The following EFCAB13 variants were observed in gnomAD, a reference collection of about 807,000 sequenced individuals.
EFCAB13 encodes the protein EF-hand calcium-binding domain-containing protein 13.
EFCAB13 carries 91 observed loss-of-function variants against 110.2 expected under a neutral mutation model. The observed-to-expected ratio is 0.83, with a 90% CI of 0.70 to 0.98. EFCAB13 has a LOEUF of 0.98. Ranked by LOEUF, EFCAB13 falls within the 50% of genes least tolerant of loss-of-function variation. EFCAB13 has a pLI of 0.00. For missense variants in EFCAB13, 968 were observed against 1,119.4 expected, an observed-to-expected ratio of 0.86 and a Z score of 1.93; for synonymous variants, 323 against 369.9, an observed-to-expected ratio of 0.87 and a Z score of 1.45.
chr17:47,341,973 G>C lies in EFCAB13; in HGVS notation c.244G>C (p.Gly82Arg). The C allele has an allele frequency of 6.3e-7, 1 of 1,598,866 alleles. No homozygotes were observed. Among genetic ancestry groups the C allele is most frequent in the Non-Finnish European group, 8.5e-7 (1 of 1,173,750 alleles). ...CGEEKSSDFS[G>R]EKKVGRKSLQ... The stretch of plus-strand genomic sequence containing the variant: ...AGAAGAAAAGTCCTCTGATTTTTCA[G>C]GAGAAAAAAAAGTTGGGAGAAAGAG... The change falls in exon 6 of 25, where the codon GGA (glycine) becomes CGA (arginine). Residue 82 changes from glycine (G) to arginine (R), a missense_variant. Coordinates refer to ENST00000331493, the MANE Select transcript of EFCAB13 (RefSeq NM_152347.5).
At chr17:47,439,184 T>TTTTTTTTTTTTTTTTC (rs1905269281) in intron 24 of EFCAB13, among the ~76,000 whole-genome samples, 1 of 128,636 alleles carries the variant, frequency 7.8e-6, no homozygotes, top group Non-Finnish European at 1.7e-5. Flanking sequence ...TTTTTTTTTT[T>TTTTTTTTTTTTTTTTC]TTTTTTTTTT....
At chr17:47,357,021 G>A (rs1029484164) in intron 9 of EFCAB13, among the ~76,000 whole-genome samples, 4 of 152,194 alleles carry the variant, frequency 2.6e-5, no homozygotes, top group East Asian at 3.9e-4. Context: ...AGCCAGCAGC[G>A]ATAGGCCTCA....
intron 9 of EFCAB13, among the ~76,000 whole-genome samples, chr17:47,359,089 T>C (rs959347952): frequency 6.6e-6 from 1 of 152,178 alleles, no homozygotes; most frequent in African/African-American, 2.4e-5. Context: ...TCCCAGCACT[T>C]TGGGAGGCCA....
chr17:47,347,929 A>G lies in EFCAB13; in HGVS notation c.639A>G (p.Ala213=), dbSNP rs987531436. ...TAAGTGATTTAGAAATGCGACAGGC[A>G]CTAAAGACTGTTGATATTGATGGTA... ...ISISDLEMRQ[A]LKTVDIDAFQ... The change falls in exon 9 of 25, where the codon GCA becomes GCG. Residue 213 remains alanine (A), a synonymous_variant. Transcript: ENST00000331493. 2.6e-6 allele frequency: 4 copies of G among 1,523,940 alleles called. No homozygotes were observed. Among genetic ancestry groups the G allele is most frequent in the Admixed American group, 1.8e-5 (1 of 55,862 alleles). 94.4% of individuals were successfully genotyped at this position (1,523,940 alleles called of 1,614,324 possible).
At chr17:47,381,920 G>A (rs949704318) in intron 14 of EFCAB13, among the ~76,000 whole-genome samples, 1 of 152,120 alleles carries the variant, frequency 6.6e-6, no homozygotes, top group Non-Finnish European at 1.5e-5. Flanking sequence ...GATGGGGATA[G>A]CACTGAATCT....
chr17:47,367,972 T>C (rs2065557999), intron 10 of EFCAB13, among the ~76,000 whole-genome samples: 1 of 152,098 alleles, frequency 6.6e-6, no homozygotes, highest in Non-Finnish European at 1.5e-5. Context: ...ATGATGTTGG[T>C]TTGCCATCCC....
intron 10 of EFCAB13, among the ~76,000 whole-genome samples, chr17:47,364,981 A>G (rs964089365): frequency 6.6e-6 from 1 of 152,102 alleles, no homozygotes; most frequent in African/African-American, 2.4e-5. Flanking sequence ...TTCTCCCCTT[A>G]GGTAATTCCT....
intron 3 of EFCAB13, among the ~76,000 whole-genome samples, chr17:47,327,346 G>C (rs965820022): frequency 2.0e-5 from 3 of 151,686 alleles, no homozygotes; most frequent in Non-Finnish European, 4.4e-5. Context: ...TGTATTTTCA[G>C]TAGAGACGGG....
Position 47,371,060 on chromosome 17 carries a change from TTG to T in EFCAB13, c.877+554_877+555del, listed in dbSNP as rs1182640292. ...TGGCTCTTTGCCCAGTTTTTAATGG[TTG>T]TTTTTTTTTTTTTTTTTTTTTACTG... is the stretch of plus-strand genomic sequence containing the variant. On this transcript the variant is annotated intron_variant, in intron 11 of 24. Coordinates refer to ENST00000331493, the MANE Select transcript of EFCAB13 (RefSeq NM_152347.5). Among the ~76,000 whole-genome samples, 279 of 129,402 alleles carry T rather than the reference TTG, an allele frequency of 2.2e-3. 1 individual carries two copies. The highest frequency in any genetic ancestry group is 6.8e-3 in the African/African-American group (258 of 37,886). 84.9% of individuals were successfully genotyped at this position (129,402 alleles called of 152,430 possible).
intron 23 of EFCAB13, among the ~76,000 whole-genome samples, chr17:47,420,253 A>G (rs1054840678): frequency 5.3e-5 from 8 of 152,192 alleles, no homozygotes; most frequent in Non-Finnish European, 8.8e-5. Context: ...TCAGTGCTCA[A>G]TGGTGCCCAG....
intron 5 of EFCAB13, chr17:47,339,755 T>G (rs1289585431): frequency 7.3e-6 from 1 of 137,302 alleles, no homozygotes; most frequent in African/African-American, 2.7e-5. Context: ...AAAGGAGAAA[T>G]AAGAGAAAAC....
chr17:47,385,277 C>T (rs2065670126), intron 14 of EFCAB13, among the ~76,000 whole-genome samples: 2 of 152,108 alleles, frequency 1.3e-5, no homozygotes, highest in South Asian at 4.1e-4. Flanking sequence ...CTTTCAGGGA[C>T]CCTAATCAAT....
chr17:47,325,616 G>A (rs1471808806), intron 2 of EFCAB13, among the ~76,000 whole-genome samples: 1 of 151,852 alleles, frequency 6.6e-6, no homozygotes, highest in Admixed American at 6.6e-5. Flanking sequence ...TCTTGCCTCG[G>A]GGCTTTTGTA....
At chr17:47,337,916 A>G (rs1226384161) in intron 5 of EFCAB13, among the ~76,000 whole-genome samples, 1 of 152,214 alleles carries the variant, frequency 6.6e-6, no homozygotes, top group Admixed American at 6.5e-5. Context: ...GACAGTCTAG[A>G]GTCCACATAG....
At chr17:47,346,042 A>T (rs535335054) in intron 8 of EFCAB13, among the ~76,000 whole-genome samples, 11 of 152,270 alleles carry the variant, frequency 7.2e-5, no homozygotes, top group African/African-American at 2.6e-4. Flanking sequence ...TTTGAAAAAA[A>T]TTTTATTGTG....
chr17:47,357,871 A>C (rs1257483627), intron 9 of EFCAB13, among the ~76,000 whole-genome samples: 2 of 152,166 alleles, frequency 1.3e-5, no homozygotes, highest in Non-Finnish European at 2.9e-5. Flanking sequence ...TCACTCGGAC[A>C]GACAGAGCAG....
intron 20 of EFCAB13, among the ~76,000 whole-genome samples, chr17:47,408,689 A>G (rs1172162975): frequency 1.3e-5 from 2 of 152,010 alleles, no homozygotes; most frequent in East Asian, 3.9e-4. Flanking sequence ...AGTATAATCA[A>G]ATCCCCCATT....
intron 14 of EFCAB13, among the ~76,000 whole-genome samples, chr17:47,383,162 A>G (rs1289387626): frequency 1.3e-5 from 2 of 151,374 alleles, no homozygotes; most frequent in Non-Finnish European, 2.9e-5. Context: ...TGTCTATTTG[A>G]TTCTTTTCTC....
intron 14 of EFCAB13, among the ~76,000 whole-genome samples, chr17:47,384,162 T>G (rs2065663134): frequency 1.3e-5 from 2 of 151,458 alleles, no homozygotes; most frequent in Admixed American, 6.6e-5. Flanking sequence ...TTTTTTGTTT[T>G]TTTTTTTTTG....
Sources: allele counts gnomAD v4.1 joint callset (sites outside exome capture counted in the v4.1 genomes callset), GRCh38; gene constraint gnomAD v4.1.1; transcripts MANE v1.5; gene names NCBI Gene and HGNC (gene_info 2026-07-23, HGNC 2026-07-21).